DUSP13A: variants seen among roughly 807,000 people sequenced by gnomAD.
DUSP13A encodes dual specificity phosphatase 13A, also known as dual specificity protein phosphatase 13A.
At chr10:75,108,227 G>A in the DUSP13A span, 1 of 1,578,934 alleles carries the variant, frequency 6.3e-7, no homozygotes, top group East Asian at 2.2e-5. Context: ...GGGCAGGAAG[G>A]GCACTTGATG....
At chr10:75,107,271 G>A in the DUSP13A span, among the ~76,000 whole-genome samples, 1 of 151,850 alleles carries the variant, frequency 6.6e-6, no homozygotes, top group Non-Finnish European at 1.5e-5. Context: ...AGAGGCAGAG[G>A]TTGAACCCAG....
At chr10:75,108,082 C>T in the DUSP13A span, 1 of 1,613,796 alleles carries the variant, frequency 6.2e-7, no homozygotes, top group Non-Finnish European at 8.5e-7. Context: ...TGGGCTGGCA[C>T]CCCCAGGTAG....
the DUSP13A span, chr10:75,108,180 C>T: frequency 1.2e-6 from 2 of 1,611,348 alleles, no homozygotes; most frequent in Non-Finnish European, 1.7e-6. Flanking sequence ...GCCCAGCTTC[C>T]ACAGCTCAAA....
At chr10:75,106,424 TCTGACTAA>T in the DUSP13A span, among the ~76,000 whole-genome samples, 1 of 152,296 alleles carries the variant, frequency 6.6e-6, no homozygotes, top group South Asian at 2.1e-4. Flanking sequence ...CTGGTCTCGG[TCTGACTAA>T]CTTCCACTAC....
the DUSP13A span, chr10:75,108,160 C>T: frequency 8.1e-6 from 13 of 1,612,606 alleles, no homozygotes; most frequent in South Asian, 7.7e-5. Context: ...GCGTTCAGCA[C>T]GTGGGTGATG....
the DUSP13A span, chr10:75,108,223 G>C: frequency 1.3e-6 from 2 of 1,584,276 alleles, no homozygotes; most frequent in Non-Finnish European, 1.7e-6. Context: ...GGGAGGGCAG[G>C]AAGGGCACTT....
the DUSP13A span, chr10:75,108,196 T>A: frequency 6.2e-7 from 1 of 1,605,358 alleles, no homozygotes; most frequent in South Asian, 1.1e-5. Context: ...TCAAAGCGGT[T>A]GTTTGCCGTG....
chr10:75,106,082 TTTTTC>T, the DUSP13A span, among the ~76,000 whole-genome samples: 1 of 149,422 alleles, frequency 6.7e-6, no homozygotes, highest in East Asian at 2.0e-4. Flanking sequence ...CCGAATTTCT[TTTTTC>T]TTTTCTTTCT....
chr10:75,105,918 C>T, the DUSP13A span: 5 of 1,519,372 alleles, frequency 3.3e-6, no homozygotes, highest in African/African-American at 1.4e-5. Flanking sequence ...CCGGCCCACC[C>T]ACGGGCTGGG....
chr10:75,107,965 G>GA, the DUSP13A span: 1 of 1,593,038 alleles, frequency 6.3e-7, no homozygotes, highest in South Asian at 1.1e-5. Flanking sequence ...AGCAAGATGG[G>GA]ATATGGGCTT....
the DUSP13A span, chr10:75,109,155 C>T: frequency 3.2e-6 from 5 of 1,584,690 alleles, no homozygotes; most frequent in African/African-American, 6.8e-5. Flanking sequence ...AGGTCTCAGC[C>T]ATGGGCCAGC....
the DUSP13A span, among the ~76,000 whole-genome samples, chr10:75,106,144 G>A: frequency 8.9e-6 from 1 of 112,052 alleles, no homozygotes; most frequent in Admixed American, 1.1e-4. Flanking sequence ...GTCTCACTAT[G>A]TTGCCCAGGC....
chr10:75,106,248 C>G, the DUSP13A span, among the ~76,000 whole-genome samples: 1 of 151,910 alleles, frequency 6.6e-6, no homozygotes, highest in Non-Finnish European at 1.5e-5. Flanking sequence ...GGCCTCCAAA[C>G]CTTTTTAACA....
the DUSP13A span, chr10:75,108,361 C>T: frequency 7.3e-7 from 1 of 1,372,198 alleles, no homozygotes; most frequent in African/African-American, 1.5e-5. Context: ...ACTCCACAGC[C>T]CTATACCCAG....
the DUSP13A span, among the ~76,000 whole-genome samples, chr10:75,107,766 G>A: frequency 2.6e-5 from 4 of 152,156 alleles, no homozygotes; most frequent in Admixed American, 6.5e-5. Flanking sequence ...TAGTAGAGAC[G>A]AGGTTTCACC....
At chr10:75,106,316 C>T in the DUSP13A span, among the ~76,000 whole-genome samples, 5 of 151,994 alleles carry the variant, frequency 3.3e-5, no homozygotes, top group Non-Finnish European at 5.9e-5. Context: ...ACCTTCAGCT[C>T]GAGAAACATG....
At chr10:75,107,883 G>C in the DUSP13A span, 1 of 1,319,842 alleles carries the variant, frequency 7.6e-7, no homozygotes, top group Non-Finnish European at 1.0e-6. Context: ...GGCCTAAGCA[G>C]AGGATTTTTA....
the DUSP13A span, chr10:75,107,866 C>T: frequency 2.5e-6 from 3 of 1,185,480 alleles, no homozygotes; most frequent in African/African-American, 4.6e-5. Flanking sequence ...CATGAGCCAC[C>T]ACACACGGCC....
At chr10:75,107,302 G>A in the DUSP13A span, among the ~76,000 whole-genome samples, 7 of 151,044 alleles carry the variant, frequency 4.6e-5, no homozygotes, top group Non-Finnish European at 5.9e-5. Context: ...AGCAGAGATC[G>A]CGCCACTGCA....
Sources: allele counts gnomAD v4.1 joint callset (sites outside exome capture counted in the v4.1 genomes callset), GRCh38; gene constraint gnomAD v4.1.1; transcripts MANE v1.5; gene names NCBI Gene and HGNC (gene_info 2026-07-23, HGNC 2026-07-21).